GPC3: variants seen among roughly 807,000 people sequenced by gnomAD.
The protein encoded by GPC3 is glypican 3.
In GPC3, 3 loss-of-function variants were observed where a neutral mutation model predicts 34.4. The observed-to-expected ratio is 0.09, with a 90% CI of 0.04 to 0.23. The LOEUF (loss-of-function observed/expected upper bound fraction) is 0.23. Among genes scored for constraint, GPC3 ranks in the 10% least tolerant of loss-of-function variants. The pLI, the probability that GPC3 is intolerant of heterozygous loss-of-function variation, is 1.00. For synonymous variants in GPC3, 177 were observed against 174.0 expected (o/e 1.02, Z -0.13); for missense variants, 351 against 445.6 (o/e 0.79, Z 1.91).
chrX:133,906,739 G>A (rs192955193), intron 2 of GPC3, among the ~76,000 whole-genome samples: 67 of 112,015 alleles, frequency 6.0e-4, no homozygotes, highest in African/African-American at 2.0e-3. Context: ...ATTTCCGTCT[G>A]CAAAAGGTGC....
intron 2 of GPC3, among the ~76,000 whole-genome samples, chrX:133,814,355 C>A (rs2075679185): frequency 9.0e-6 from 1 of 110,864 alleles, no homozygotes; most frequent in African/African-American, 3.3e-5. Flanking sequence ...AGAAATAGTT[C>A]CCCACCCTGG....
At chrX:133,841,215 A>ATT (rs769696321) in intron 2 of GPC3, among the ~76,000 whole-genome samples, 14 of 39,238 alleles carry the variant, frequency 3.6e-4, no homozygotes, top group African/African-American at 5.6e-4. Flanking sequence ...TAATCTTTTA[A>ATT]TTTTTTTTTT....
chrX:133,700,184 A>C (rs1001922053), intron 3 of GPC3, among the ~76,000 whole-genome samples, 156 bp from the exon 4 acceptor site: 5 of 112,198 alleles, frequency 4.5e-5, no homozygotes, highest in Non-Finnish European at 7.5e-5. Flanking sequence ...TAAGACAAAG[A>C]ACCACTGGTG....
chrX:133,905,070 C>G (rs1362581395), intron 2 of GPC3, among the ~76,000 whole-genome samples: 1 of 111,962 alleles, frequency 8.9e-6, no homozygotes, highest in Admixed American at 9.5e-5. Context: ...CAAGCACCAA[C>G]AGTTTACATG....
chrX:133,872,900 A>G (rs1056886433), intron 2 of GPC3, among the ~76,000 whole-genome samples: 1 of 111,997 alleles, frequency 8.9e-6, no homozygotes, highest in African/African-American at 3.2e-5. Context: ...AGATGTTAAA[A>G]CCATCTCTTC....
intron 3 of GPC3, among the ~76,000 whole-genome samples, chrX:133,728,682 G>T (rs2071435801): frequency 8.9e-6 from 1 of 112,437 alleles, no homozygotes; most frequent in South Asian, 3.7e-4. Context: ...TTGTGGCTAT[G>T]AATCCAATTT....
chrX:133,897,488 A>G (rs761371401), intron 2 of GPC3, among the ~76,000 whole-genome samples: 1 of 110,270 alleles, frequency 9.1e-6, no homozygotes, highest in East Asian at 2.9e-4. Flanking sequence ...AAGGAATAAA[A>G]GATCCAACTT....
intron 2 of GPC3, among the ~76,000 whole-genome samples, chrX:133,950,587 A>G (rs985479017): frequency 8.9e-6 from 1 of 112,296 alleles, no homozygotes; most frequent in African/African-American, 3.2e-5. Context: ...TTTCTCACTA[A>G]TTTGGTCTAC....
chrX:133,921,092 C>G (rs2076246054), intron 2 of GPC3, among the ~76,000 whole-genome samples: 2 of 112,366 alleles, frequency 1.8e-5, no homozygotes, highest in African/African-American at 6.5e-5. Flanking sequence ...ATCAGATTTT[C>G]TTTTAGCTTA....
intron 2 of GPC3, among the ~76,000 whole-genome samples, chrX:133,815,519 T>C (rs2075687078): frequency 1.8e-5 from 2 of 110,517 alleles, no homozygotes; most frequent in South Asian, 3.9e-4. Flanking sequence ...TTCTCAGATA[T>C]ATACATCTTG....
chrX:133,804,404 A>G (rs2075625922), intron 2 of GPC3, among the ~76,000 whole-genome samples: 1 of 110,584 alleles, frequency 9.0e-6, no homozygotes, highest in Admixed American at 9.7e-5. Context: ...CAAGACATCT[A>G]TACTAACTCA....
chrX:133,703,590 A>G (rs1316945390), intron 3 of GPC3, among the ~76,000 whole-genome samples: 1 of 109,457 alleles, frequency 9.1e-6, no homozygotes, highest in Non-Finnish European at 1.9e-5. Flanking sequence ...CCTCCCGAGT[A>G]GCTGGGACTA....
intron 7 of GPC3, among the ~76,000 whole-genome samples, chrX:133,593,353 G>GAAAAAAAAAAAAAAAAAAAAAAA (rs1569391707): frequency 1.7e-5 from 1 of 58,155 alleles, no homozygotes; most frequent in Non-Finnish European, 3.3e-5. Context: ...AAAAAAAAAA[G>GAAAAAAAAAAAAAAAAAAAAAAA]TAAAAAAAAA....
chrX:133,844,088 C>T (rs2075837349), intron 2 of GPC3, among the ~76,000 whole-genome samples: 1 of 111,557 alleles, frequency 9.0e-6, no homozygotes, highest in East Asian at 2.8e-4. Context: ...TAACCATGGC[C>T]AGTAGAGCCT....
chrX:133,913,349 T>C (rs992888335), intron 2 of GPC3, among the ~76,000 whole-genome samples: 1 of 111,802 alleles, frequency 8.9e-6, no homozygotes, highest in Non-Finnish European at 1.9e-5. Context: ...TGAGGAAAAA[T>C]AAGTGCCAAT....
At chrX:133,977,228 T>C (rs942781809) in intron 1 of GPC3, among the ~76,000 whole-genome samples, 14 of 111,703 alleles carry the variant, frequency 1.3e-4, no homozygotes, top group African/African-American at 3.9e-4. Context: ...CTCACCACTC[T>C]AGAGGATATC....
chrX:133,700,711 T>C (rs926802242), intron 3 of GPC3, among the ~76,000 whole-genome samples: 1 of 110,095 alleles, frequency 9.1e-6, no homozygotes, highest in Non-Finnish European at 1.9e-5. Context: ...ACCCAGTCTC[T>C]GCAAAAAATA....
chrX:133,889,102 T>C (rs1332033211), intron 2 of GPC3, among the ~76,000 whole-genome samples: 1 of 112,376 alleles, frequency 8.9e-6, no homozygotes, highest in Non-Finnish European at 1.9e-5. Flanking sequence ...GTCTACACCA[T>C]GCTGATAATC....
chrX:133,752,346 T>A (rs756085801), intron 3 of GPC3, among the ~76,000 whole-genome samples: 8 of 111,800 alleles, frequency 7.2e-5, no homozygotes, highest in Non-Finnish European at 1.3e-4. Context: ...TGAAAAATAA[T>A]TAGCAGAAAG....
Sources: gnomAD v4.1 joint callset for allele counts (sites outside exome capture counted in the v4.1 genomes callset) on GRCh38, gnomAD v4.1.1 for gene constraint, MANE v1.5 for transcripts, NCBI Gene and HGNC (gene_info 2026-07-23, HGNC 2026-07-21) for gene names.